The following GPSM2 variants were observed in gnomAD, a reference collection of about 807,000 sequenced individuals.
The protein encoded by GPSM2 is G protein signaling modulator 2.
A neutral mutation model predicts 78.4 loss-of-function variants in GPSM2; 58 were observed. That is an observed-to-expected ratio of 0.74 (90% CI 0.60 to 0.92). GPSM2 has a LOEUF of 0.92. Among genes scored for constraint, GPSM2 ranks in the 40% least tolerant of loss-of-function variants. The pLI, the probability that GPSM2 is intolerant of heterozygous loss-of-function variation, is 0.00. For synonymous variants in GPSM2, 224 were observed against 280.2 expected (o/e 0.80, Z 2.00); for missense variants, 700 against 815.5 (o/e 0.86, Z 1.73).
At chr1:108,877,405 G>A (rs919426762) in intron 1 of GPSM2, 177 bp downstream of exon 1, 1 of 152,310 alleles carries the variant, frequency 6.6e-6, no homozygotes, top group Non-Finnish European at 1.5e-5. Context: ...GCGCTGCGGG[G>A]ACGCGGCGTC....
chr1:108,916,361 T>C (rs1033715046), intron 11 of GPSM2, among the ~76,000 whole-genome samples: 2 of 152,202 alleles, frequency 1.3e-5, no homozygotes, highest in African/African-American at 4.8e-5. Context: ...TGATAGTTTA[T>C]GTGTGAATAG....
chr1:108,896,022 T>C (rs1388685815), intron 2 of GPSM2, among the ~76,000 whole-genome samples: 1 of 152,148 alleles, frequency 6.6e-6, no homozygotes, highest in East Asian at 1.9e-4. Flanking sequence ...ATTAAACGAA[T>C]AGGTAGTTCC....
chr1:108,884,515 A>G (rs1178968133), intron 1 of GPSM2, among the ~76,000 whole-genome samples: 3 of 152,230 alleles, frequency 2.0e-5, no homozygotes, highest in African/African-American at 7.2e-5. Flanking sequence ...AAAATCATAT[A>G]AAACTAAATG....
At chr1:108,895,751 G>A (rs556743451) in intron 2 of GPSM2, among the ~76,000 whole-genome samples, 1 of 152,082 alleles carries the variant, frequency 6.6e-6, no homozygotes, top group African/African-American at 2.4e-5. Context: ...GTAACAAGAG[G>A]AATAAAGTAC....
Position 108,931,906 on chromosome 1 carries a change from A to T in GPSM2, c.*1966A>T. ...GTATACAATAGTTCTTACAGCCTGT[A>T]AACATTCAACATTATTCCATTTAAA... On this transcript the variant is annotated 3_prime_UTR_variant, in exon 15 of 15. Transcript: ENST00000264126. 6.4e-6 allele frequency: 1 copy of T among 157,280 alleles called. No homozygotes were observed. Among genetic ancestry groups the T allele is most frequent in the African/African-American group, 2.4e-5 (1 of 41,500 alleles). The allele number at this position is 157,280 out of a possible 1,614,324, so 9.7% of individuals were successfully genotyped here.
intron 10 of GPSM2, among the ~76,000 whole-genome samples, chr1:108,905,377 C>G (rs185651506): frequency 6.6e-6 from 1 of 152,348 alleles, no homozygotes; most frequent in East Asian, 1.9e-4. Context: ...CTCCCTTTCT[C>G]TCTTCAACCC....
At position 108,877,208 on chromosome 1, in the gene GPSM2, G is replaced by GGACC. The variant is rs1665668480; in HGVS notation, c.-268_-265dup. The stretch of plus-strand genomic sequence containing the variant: ...CCGCTGCACCTTCACCGCGTACCCG[G>GGACC]GACCCGCCCGCCCGCGGGAGGTGAG... On this transcript the variant is annotated 5_prime_UTR_variant, in exon 1 of 15. Coordinates refer to ENST00000264126, the MANE Select transcript of GPSM2 (RefSeq NM_013296.5). 2 of 152,140 alleles carry GGACC rather than the reference G, an allele frequency of 1.3e-5. No homozygotes were observed. Among genetic ancestry groups the GGACC allele is most frequent in the Admixed American group, 1.3e-4 (2 of 15,278 alleles). The allele number at this position is 152,140 out of a possible 1,614,324, so 9.4% of individuals were successfully genotyped here.
At chr1:108,907,153 CTT>C (rs1649299991) in intron 10 of GPSM2, among the ~76,000 whole-genome samples, 1 of 152,138 alleles carries the variant, frequency 6.6e-6, no homozygotes, top group South Asian at 2.1e-4. Context: ...TTTTTGGTCT[CTT>C]TTGTTCATTG....
chr1:108,880,842 C>G (rs1665859408), intron 1 of GPSM2, among the ~76,000 whole-genome samples: 2 of 151,490 alleles, frequency 1.3e-5, no homozygotes, highest in Admixed American at 6.6e-5. Flanking sequence ...AGACCAAAAA[C>G]AAACAAAGAA....
At chr1:108,912,761 G>T (rs1208369058) in intron 10 of GPSM2, among the ~76,000 whole-genome samples, 3 of 151,654 alleles carry the variant, frequency 2.0e-5, no homozygotes, top group Non-Finnish European at 4.4e-5. Context: ...GAGATCGGGG[G>T]CCGGCCAGGC....
At chr1:108,884,004 C>T (rs180798169) in intron 1 of GPSM2, among the ~76,000 whole-genome samples, 137 of 152,078 alleles carry the variant, frequency 9.0e-4, no homozygotes, top group East Asian at 3.3e-3. Flanking sequence ...CTCCGCCTCC[C>T]GGGTTCAGGC....
chr1:108,899,494 C>T (rs1038510628), intron 7 of GPSM2, among the ~76,000 whole-genome samples: 3 of 152,158 alleles, frequency 2.0e-5, no homozygotes. Flanking sequence ...GCAGTTCTCC[C>T]TTTACCCTCT....
chr1:108,901,680 A>T, intron 7 of GPSM2, 110 bp from the exon 8 acceptor site: 1 of 843,748 alleles, frequency 1.2e-6, no homozygotes, highest in Non-Finnish European at 2.1e-6. Context: ...GCTCTCAGAG[A>T]TTTAAAGACA....
At chr1:108,927,419 G>A (rs1241419988) in intron 14 of GPSM2, among the ~76,000 whole-genome samples, 5 of 152,148 alleles carry the variant, frequency 3.3e-5, no homozygotes, top group Admixed American at 2.0e-4. Flanking sequence ...TCAAAGCAGT[G>A]CAGTACTGGC....
intron 2 of GPSM2, 128 bp from the exon 3 acceptor site, chr1:108,896,736 T>C: frequency 1.3e-6 from 1 of 780,472 alleles, no homozygotes; most frequent in Non-Finnish European, 2.3e-6. Context: ...GGAATGTATA[T>C]AAACTTCAGT....
chr1:108,921,381 C>T (rs1650698432), intron 12 of GPSM2, among the ~76,000 whole-genome samples: 1 of 150,588 alleles, frequency 6.6e-6, no homozygotes, highest in African/African-American at 2.4e-5. Context: ...GATCATACCA[C>T]TGCACTTCAG....
Position 108,888,299 on chromosome 1 carries a change from G to A in GPSM2, c.56+2721G>A, listed in dbSNP as rs188333344. On this transcript the variant is annotated intron_variant, in intron 2 of 14. Transcript: ENST00000264126. ...ACTCCTGACCTCGGGTGATCCACCC[G>A]CCTCGGCCTCCCAAAGTGCTGGGAT... 1.7e-3 allele frequency among the ~76,000 whole-genome samples: 261 copies of A among 152,112 alleles called. 2 individuals carry two copies. In the South Asian group the frequency reaches 0.024, roughly 14 times the overall value.
chr1:108,902,042 T>C (rs1261666806), intron 8 of GPSM2, 97 bp downstream of exon 8: 1 of 854,626 alleles, frequency 1.2e-6, no homozygotes, highest in Non-Finnish European at 1.9e-6. Flanking sequence ...TTGTTTTCCT[T>C]AAAATCCCTT....
Position 108,931,679 on chromosome 1 carries a change from T to A in GPSM2, c.*1739T>A. On this transcript the variant is annotated 3_prime_UTR_variant, in exon 15 of 15. Coordinates refer to ENST00000264126, the MANE Select transcript of GPSM2 (RefSeq NM_013296.5). ...ACAACCTGGATTACATTATGTTTCA[T>A]GTATACTATAAGGTATGATGTCCTG... The A allele has an allele frequency of 1.3e-6, 1 of 749,318 alleles. No individual in the cohort carries two copies. The highest frequency in any genetic ancestry group is 2.0e-6 in the Non-Finnish European group (1 of 506,826). The allele number at this position is 749,318 out of a possible 1,614,324, so 46.4% of individuals were successfully genotyped here.
Sources: gnomAD v4.1 joint callset for allele counts (sites outside exome capture counted in the v4.1 genomes callset) on GRCh38, gnomAD v4.1.1 for gene constraint, MANE v1.5 for transcripts, NCBI Gene and HGNC (gene_info 2026-07-23, HGNC 2026-07-21) for gene names.